CYTH1: variants seen among roughly 807,000 people sequenced by gnomAD.
CYTH1 encodes the protein cytohesin-1.
In CYTH1, 18 loss-of-function variants were observed where a neutral mutation model predicts 61.8. The observed-to-expected ratio is 0.29, with a 90% CI of 0.20 to 0.43. CYTH1 has a LOEUF of 0.43. Among genes scored for constraint, CYTH1 ranks in the 20% least tolerant of loss-of-function variants. CYTH1 has a pLI of 1.00. For synonymous variants in CYTH1, 174 were observed against 184.3 expected, an observed-to-expected ratio of 0.94 and a Z score of 0.45; for missense variants, 336 against 510.5, an observed-to-expected ratio of 0.66 and a Z score of 3.29.
intron 2 of CYTH1, chr17:78,709,092 G>T (rs549578158): frequency 6.6e-6 from 1 of 152,586 alleles, no homozygotes; most frequent in East Asian, 1.9e-4. Flanking sequence ...AAGGAACTTG[G>T]AAAAATTGTA....
chr17:78,733,464 T>C (rs931276144), intron 1 of CYTH1, among the ~76,000 whole-genome samples: 3 of 152,238 alleles, frequency 2.0e-5, no homozygotes, highest in African/African-American at 7.2e-5. Context: ...TCTTTTTTTT[T>C]TCTCTTACTG....
chr17:78,766,087 GAAAAAAA>G lies in CYTH1; in HGVS notation c.22+16108_22+16114del, dbSNP rs59673666. On this transcript the variant is annotated intron_variant, in intron 1 of 13. Coordinates refer to ENST00000446868, the MANE Select transcript of CYTH1 (RefSeq NM_004762.6). Reference sequence around the variant, plus strand: ...AACATAGTGAGATCCCATCTCTACAGAAAAAAAAAAAAAAAAAAAAAAGCCAGCCCCT... The same window carrying G: ...AACATAGTGAGATCCCATCTCTACAGAAAAAAAAAAAAAAAGCCAGCCCCT... Among the ~76,000 whole-genome samples, 34 of 65,698 alleles carry G rather than the reference GAAAAAAA, an allele frequency of 5.2e-4. No homozygotes were observed. In the East Asian group the frequency reaches 0.014, roughly 28 times the overall value. The allele number at this position is 65,698 out of a possible 152,430, so 43.1% of individuals were successfully genotyped here. A position where few individuals can be genotyped will look rare whatever the true frequency, so the allele number is the denominator to read the frequency against.
At chr17:78,755,724 A>G (rs924452696) in intron 1 of CYTH1, among the ~76,000 whole-genome samples, 2 of 151,974 alleles carry the variant, frequency 1.3e-5, no homozygotes, top group Non-Finnish European at 2.9e-5. Flanking sequence ...GCTTAAGCCC[A>G]GAAGCTCAAG....
intron 11 of CYTH1, among the ~76,000 whole-genome samples, chr17:78,684,510 G>A (rs2092796655): frequency 6.6e-6 from 1 of 152,198 alleles, no homozygotes; most frequent in Non-Finnish European, 1.5e-5. Context: ...CGAGGCCAAC[G>A]TCTTTGGCTT....
At chr17:78,760,355 T>TATATATA (rs2093416888) in intron 1 of CYTH1, among the ~76,000 whole-genome samples, 2 of 52,272 alleles carry the variant, frequency 3.8e-5, no homozygotes, top group African/African-American at 1.4e-4. Flanking sequence ...AATAGCAGGT[T>TATATATA]TATATATATA....
intron 3 of CYTH1, among the ~76,000 whole-genome samples, chr17:78,702,892 G>C (rs143612332): frequency 0.011 from 1,634 of 152,050 alleles, 33 homozygotes; most frequent in African/African-American, 0.037. Flanking sequence ...TGCTATCTCG[G>C]CTCATTGCAA....
In CYTH1 at chr17:78,761,593, C is replaced by T. The variant is rs1306369548; in HGVS notation, c.22+20609G>A. On this transcript the variant is annotated intron_variant, in intron 1 of 13. Coordinates refer to ENST00000446868, the MANE Select transcript of CYTH1 (RefSeq NM_004762.6). ...CTCTACTAAAAACACAAAAAATCAG[C>T]CGGGCGTGGTGGCGGGCACCTGTAG... Among the ~76,000 whole-genome samples the T allele has an allele frequency of 2.6e-5, 4 of 152,158 alleles. No homozygotes were observed. In the East Asian group the frequency reaches 5.8e-4, roughly 22 times the overall value.
intron 1 of CYTH1, among the ~76,000 whole-genome samples, chr17:78,768,747 C>A (rs1598924946): frequency 6.6e-6 from 1 of 152,174 alleles, no homozygotes; most frequent in Admixed American, 6.5e-5. Flanking sequence ...CTGAGCCACA[C>A]TAAGTCAGAA....
At chr17:78,755,269 G>A (rs550404149) in intron 1 of CYTH1, among the ~76,000 whole-genome samples, 7 of 151,976 alleles carry the variant, frequency 4.6e-5, no homozygotes, top group Non-Finnish European at 7.4e-5. Context: ...TCCGCCTCCC[G>A]GGTTCAAGCA....
intron 1 of CYTH1, among the ~76,000 whole-genome samples, chr17:78,713,612 A>C (rs2093155996): frequency 6.6e-6 from 1 of 150,872 alleles, no homozygotes; most frequent in East Asian, 1.9e-4. Flanking sequence ...GAAACTCTAA[A>C]TCGTTGCTTT....
At chr17:78,682,017 G>A (rs904744877) in intron 11 of CYTH1, among the ~76,000 whole-genome samples, 2 of 151,910 alleles carry the variant, frequency 1.3e-5, no homozygotes, top group African/African-American at 4.8e-5. Flanking sequence ...CCTTTTGACT[G>A]CTTGATTTTA....
At chr17:78,768,810 A>G (rs570166744) in intron 1 of CYTH1, among the ~76,000 whole-genome samples, 2 of 151,970 alleles carry the variant, frequency 1.3e-5, no homozygotes, top group Non-Finnish European at 2.9e-5. Flanking sequence ...CCTTGCCTCC[A>G]CCTGCTTCCT....
chr17:78,713,359 A>G lies in CYTH1; in HGVS notation c.23-3627T>C, dbSNP rs557560086. Among the ~76,000 whole-genome samples the G allele has an allele frequency of 2.0e-5, 3 of 152,288 alleles. No homozygotes were observed. The East Asian group carries it at 5.8e-4, about 29-fold the overall frequency. ...CATTCCAATATAACATGGTTTTGAA[A>G]TTAAGGCAACATTCATTTTTTAAAA... On this transcript the variant is annotated intron_variant, in intron 1 of 13. Coordinates refer to ENST00000446868, the MANE Select transcript of CYTH1 (RefSeq NM_004762.6).
At chr17:78,728,661 A>G (rs58358871) in intron 1 of CYTH1, among the ~76,000 whole-genome samples, 3,737 of 152,302 alleles carry the variant, frequency 0.025, 157 homozygotes, top group African/African-American at 0.083. Context: ...GAAAAATATG[A>G]AAGGGAGAAA....
Position 78,760,445 on chromosome 17 carries a change from A to ATG in CYTH1, c.22+21756_22+21757insCA, listed in dbSNP as rs2093420380. On this transcript the variant is annotated intron_variant, in intron 1 of 13. Coordinates refer to ENST00000446868, the MANE Select transcript of CYTH1 (RefSeq NM_004762.6). ...TATATACACATACATATATATATGT[A>ATG]TATATATATACATACATATATATAT... Among the ~76,000 whole-genome samples, 3 of 62,730 alleles carry ATG rather than the reference A, an allele frequency of 4.8e-5. 1 individual carries two copies. Among genetic ancestry groups the ATG allele is most frequent in the African/African-American group, 2.1e-4 (3 of 14,588 alleles). The allele number at this position is 62,730 out of a possible 152,430, so 41.2% of individuals were successfully genotyped here.
intron 1 of CYTH1, among the ~76,000 whole-genome samples, chr17:78,755,385 C>T (rs570995378): frequency 6.3e-4 from 95 of 151,864 alleles, no homozygotes; most frequent in Admixed American, 1.2e-3. Context: ...CCGCTCGCCT[C>T]GGCCTCCCAA....
chr17:78,714,829 C>T (rs2093167256), intron 1 of CYTH1, among the ~76,000 whole-genome samples: 1 of 151,240 alleles, frequency 6.6e-6, no homozygotes, highest in African/African-American at 2.4e-5. Flanking sequence ...GAACAGAAAA[C>T]TCACCCTAGA....
chr17:78,695,534 G>T (rs932372177), intron 10 of CYTH1, among the ~76,000 whole-genome samples: 1 of 152,100 alleles, frequency 6.6e-6, no homozygotes, highest in Non-Finnish European at 1.5e-5. Flanking sequence ...ATAGCTTTGG[G>T]AAGTCAAGAC....
chr17:78,729,910 G>C (rs2093284124), intron 1 of CYTH1, among the ~76,000 whole-genome samples: 1 of 152,120 alleles, frequency 6.6e-6, no homozygotes, highest in African/African-American at 2.4e-5. Flanking sequence ...GAGTGGGGGA[G>C]GCCTGGACTC....
Sources: allele counts gnomAD v4.1 joint callset (sites outside exome capture counted in the v4.1 genomes callset), GRCh38; gene constraint gnomAD v4.1.1; transcripts MANE v1.5; gene names NCBI Gene and HGNC (gene_info 2026-07-23, HGNC 2026-07-21).